The following TNIP3 variants were observed in gnomAD, a reference collection of about 807,000 sequenced individuals.
TNIP3 encodes TNFAIP3 interacting protein 3.
TNIP3 carries 34 observed loss-of-function variants against 54.1 expected under a neutral mutation model. The ratio of observed to expected loss-of-function variants is 0.63; its 90% confidence interval spans 0.48 to 0.84. The LOEUF is 0.84. Among genes scored for constraint, TNIP3 ranks in the 40% least tolerant of loss-of-function variants. The probability of loss-of-function intolerance (pLI) is 0.00; values close to 1 mark genes in which losing one functional copy is unlikely to be tolerated. For missense variants in TNIP3, 366 were observed against 387.6 expected (o/e 0.94, Z 0.47); for synonymous variants, 134 against 136.8 (o/e 0.98, Z 0.14).
intron 3 of TNIP3, among the ~76,000 whole-genome samples, chr4:121,169,871 T>C (rs1254810546): frequency 2.0e-5 from 3 of 152,240 alleles, no homozygotes; most frequent in Admixed American, 6.5e-5. Flanking sequence ...CTATGCGATA[T>C]AGCGAGGTTG....
chr4:121,227,469 A>C (rs1312417294), upstream of TNIP3: 13 of 1,252,164 alleles, frequency 1.0e-5, no homozygotes, highest in Non-Finnish European at 1.4e-5. Flanking sequence ...AGACTCTTTG[A>C]ATCAAACAGT....
At chr4:121,224,096 T>C (rs1001748440) in intron 1 of TNIP3, among the ~76,000 whole-genome samples, 1 of 152,098 alleles carries the variant, frequency 6.6e-6, no homozygotes, top group African/African-American at 2.4e-5. Context: ...CTGCTGATAA[T>C]AAAAAGTTGA....
chr4:121,219,378 G>C (rs969446321), upstream of TNIP3, among the ~76,000 whole-genome samples: 2 of 152,134 alleles, frequency 1.3e-5, no homozygotes. Context: ...TACTGCTAAA[G>C]AAGCAGCTGT....
At chr4:121,215,134 G>A (rs1726712452) in intron 2 of TNIP3, among the ~76,000 whole-genome samples, 1 of 152,024 alleles carries the variant, frequency 6.6e-6, no homozygotes, top group African/African-American at 2.4e-5. Context: ...AAACACTATT[G>A]TTAGAGTAGC....
At chr4:121,215,950 G>A (rs1214835736) in intron 2 of TNIP3, among the ~76,000 whole-genome samples, 1 of 151,062 alleles carries the variant, frequency 6.6e-6, no homozygotes, top group Non-Finnish European at 1.5e-5. Flanking sequence ...TTGAAAGATT[G>A]ATAGAATGTG....
At chr4:121,163,100 G>A (rs1020672787) in intron 1 of TNIP3, among the ~76,000 whole-genome samples, 28 of 152,074 alleles carry the variant, frequency 1.8e-4, no homozygotes, top group African/African-American at 5.6e-4. Flanking sequence ...ATTTGTAACT[G>A]CACGAGTACT....
chr4:121,135,207 G>A (rs115080472), intron 10 of TNIP3, among the ~76,000 whole-genome samples: 61 of 152,222 alleles, frequency 4.0e-4, no homozygotes, highest in African/African-American at 1.4e-3. Context: ...CAAGGTAGGA[G>A]GATAGATTAT....
intron 2 of TNIP3, chr4:121,193,038 A>G (rs1006690876): frequency 6.6e-6 from 1 of 152,192 alleles, no homozygotes; most frequent in Admixed American, 6.5e-5. Flanking sequence ...CATTTTATAT[A>G]TATGTAGAAC....
At chr4:121,210,294 T>G (rs1726411371) in intron 2 of TNIP3, among the ~76,000 whole-genome samples, 2 of 152,182 alleles carry the variant, frequency 1.3e-5, no homozygotes, top group South Asian at 4.1e-4. Flanking sequence ...TCTGGAACAT[T>G]TTTTAATAGC....
At chr4:121,176,753 T>A (rs976124740) in intron 3 of TNIP3, among the ~76,000 whole-genome samples, 14 of 152,134 alleles carry the variant, frequency 9.2e-5, no homozygotes, top group Admixed American at 3.9e-4. Context: ...ATGTGTCAAT[T>A]TACGGTAGTT....
upstream of TNIP3, among the ~76,000 whole-genome samples, chr4:121,165,621 A>G (rs1367083907): frequency 6.6e-6 from 1 of 152,010 alleles, no homozygotes; most frequent in East Asian, 1.9e-4. Context: ...ATGAATATCT[A>G]TATAATGATT....
At chr4:121,195,904 C>G (rs1296286335) in intron 2 of TNIP3, among the ~76,000 whole-genome samples, 2 of 152,180 alleles carry the variant, frequency 1.3e-5, no homozygotes, top group African/African-American at 2.4e-5. Context: ...GAAACAGTAG[C>G]ATTCTGCTAA....
Position 121,161,221 on chromosome 4 carries a change from G to GAA in TNIP3, c.67-7_67-6dup, listed in dbSNP as rs753910968. The GAA allele has an allele frequency of 8.4e-5, 100 of 1,193,174 alleles. No individual in the cohort carries two copies. Among genetic ancestry groups the GAA allele is most frequent in the Admixed American group, 3.2e-4 (12 of 37,980 alleles). The allele number at this position is 1,193,174 out of a possible 1,614,324, so 73.9% of individuals were successfully genotyped here. The stretch of plus-strand genomic sequence containing the variant: ...TCTTGTTGATGGTTCAGCACACTTA[G>GAA]AAAAAAAAAAAGAGAGAAGATTGAA... On this transcript the variant is annotated splice_polypyrimidine_tract_variant and splice_region_variant and intron_variant, in intron 1 of 10. Coordinates refer to ENST00000057513, the MANE Select transcript of TNIP3 (RefSeq NM_024873.6).
At chr4:121,198,218 A>C (rs1415117304) in intron 2 of TNIP3, among the ~76,000 whole-genome samples, 2 of 152,148 alleles carry the variant, frequency 1.3e-5, no homozygotes, top group East Asian at 3.9e-4. Context: ...TTCAAACCAA[A>C]ATGCTAAAGC....
At chr4:121,208,641 T>C (rs1400982604) in intron 2 of TNIP3, among the ~76,000 whole-genome samples, 1 of 152,186 alleles carries the variant, frequency 6.6e-6, no homozygotes, top group Non-Finnish European at 1.5e-5. Flanking sequence ...AATTCCTCTG[T>C]CTTGATAAGT....
intron 2 of TNIP3, among the ~76,000 whole-genome samples, chr4:121,200,171 C>T (rs541632949): frequency 1.3e-5 from 2 of 152,224 alleles, no homozygotes; most frequent in South Asian, 2.1e-4. Context: ...GCTAAGGGAG[C>T]TTCCTCTTGC....
intron 2 of TNIP3, among the ~76,000 whole-genome samples, chr4:121,212,926 A>G (rs982215371): frequency 1.3e-5 from 2 of 152,222 alleles, no homozygotes; most frequent in Non-Finnish European, 2.9e-5. Flanking sequence ...TAGTACAACT[A>G]AAACATCTGC....
At position 121,164,289 on chromosome 4, in the gene TNIP3, C is replaced by G; in HGVS notation, c.-164G>C. ...GCAATAGGTTTTCATTAAAAATGAA[C>G]AGAAGTGACTGTGGATAGGAATTAC... On this transcript the variant is annotated 5_prime_UTR_variant, in exon 1 of 11. Transcript: ENST00000057513. The G allele has an allele frequency of 7.0e-7, 1 of 1,435,276 alleles. No individual in the cohort carries two copies. The allele number at this position is 1,435,276 out of a possible 1,614,324, so 88.9% of individuals were successfully genotyped here. A position where few individuals can be genotyped will look rare whatever the true frequency, so the allele number is the denominator to read the frequency against.
At chr4:121,207,587 C>G (rs544095875) in intron 2 of TNIP3, among the ~76,000 whole-genome samples, 3 of 152,228 alleles carry the variant, frequency 2.0e-5, no homozygotes, top group South Asian at 2.1e-4. Context: ...AAACAATAAG[C>G]CTGCAGATTT....
Sources: gnomAD v4.1 joint callset for allele counts (sites outside exome capture counted in the v4.1 genomes callset) on GRCh38, gnomAD v4.1.1 for gene constraint, MANE v1.5 for transcripts, NCBI Gene and HGNC (gene_info 2026-07-23, HGNC 2026-07-21) for gene names.